RPL37A: variants seen among roughly 807,000 people sequenced by gnomAD.
RPL37A encodes the protein large ribosomal subunit protein eL43.
Under a neutral mutation model 13.6 loss-of-function variants are expected in RPL37A, and 5 were observed. The ratio of observed to expected loss-of-function variants is 0.37; its 90% CI spans 0.19 to 0.78. RPL37A has a LOEUF of 0.78. Among genes scored for constraint, RPL37A ranks in the 30% least tolerant of loss-of-function variants. The pLI, the probability that RPL37A is intolerant of heterozygous loss-of-function variation, is 0.49. For missense variants in RPL37A, 77 were observed against 120.0 expected (o/e 0.64, Z 1.67); for synonymous variants, 50 against 44.4 (o/e 1.13, Z -0.50).
chr2:216,499,198 A>G (rs1048926277), intron 1 of RPL37A, 72 bp from the exon 2 acceptor site: 4 of 1,520,256 alleles, frequency 2.6e-6, no homozygotes, highest in Non-Finnish European at 2.7e-6. Flanking sequence ...AGGTGGAGGA[A>G]CGGTGTGTGG....
At position 216,498,936 on chromosome 2, in the gene RPL37A, C is replaced by T. The variant is rs112651346; in HGVS notation, c.3+59C>T. On this transcript the variant is annotated intron_variant, in intron 1 of 3. Coordinates refer to ENST00000491306, the MANE Select transcript of RPL37A (RefSeq NM_000998.5). ...ATCTGCCTGCATCTGTCCTTGTTTT[C>T]TTCTCCCGCACCCATCTCCTCTCCT... The T allele has an allele frequency of 1.2e-4, 195 of 1,608,494 alleles. No individual in the cohort carries two copies. The African/African-American group carries it at 2.2e-3, about 19-fold the overall frequency.
At position 216,501,415 on chromosome 2, in the gene RPL37A, A is replaced by C. The variant is rs775614668; in HGVS notation, c.*11A>C. 2 of 1,594,178 alleles carry C rather than the reference A, an allele frequency of 1.3e-6. No individual in the cohort carries two copies. The highest frequency in any genetic ancestry group is 2.7e-5 in the African/African-American group (2 of 74,384). On this transcript the variant is annotated 3_prime_UTR_variant, in exon 4 of 4. Transcript: ENST00000491306. ...TTGAAAGACCAGTAGACGCTCCTCT[A>C]CTCTTTGAGACATCACTGGCCTATA...
chr2:216,499,040 G>T, intron 1 of RPL37A, 163 bp downstream of exon 1: 1 of 1,243,984 alleles, frequency 8.0e-7, no homozygotes, highest in Non-Finnish European at 1.1e-6. Context: ...GCGGAGGGGC[G>T]GGGGCGCCTT....
chr2:216,499,263 T>TA lies in RPL37A; in HGVS notation c.4-4dup, dbSNP rs1281408813. The TA allele has an allele frequency of 1.9e-6, 3 of 1,611,486 alleles. No homozygotes were observed. Among genetic ancestry groups the TA allele is most frequent in the Non-Finnish European group, 2.5e-6 (3 of 1,179,328 alleles). Reference sequence around the variant, plus strand: ...CTATCACTGGTTTCTCCCTTCACTCTAAACAGGCCAAACGTACCAAGAAAG... The same window carrying TA: ...CTATCACTGGTTTCTCCCTTCACTCTAAAACAGGCCAAACGTACCAAGAAAG... On this transcript the variant is annotated splice_region_variant and splice_polypyrimidine_tract_variant and intron_variant, in intron 1 of 3. Coordinates refer to ENST00000491306, the MANE Select transcript of RPL37A (RefSeq NM_000998.5).
At chr2:216,498,957 C>G in intron 1 of RPL37A, 80 bp downstream of exon 1, 6 of 1,569,524 alleles carry the variant, frequency 3.8e-6, no homozygotes. Flanking sequence ...CCCATCTCCT[C>G]TCCTGCCTTA....
At chr2:216,498,943 C>T (rs1695548078) in intron 1 of RPL37A, 66 bp downstream of exon 1, 2 of 1,596,654 alleles carry the variant, frequency 1.3e-6, no homozygotes, top group Non-Finnish European at 1.7e-6. Flanking sequence ...TTTCTTCTCC[C>T]GCACCCATCT....
intron 1 of RPL37A, 152 bp from the exon 2 acceptor site, chr2:216,499,118 C>G: frequency 8.2e-7 from 1 of 1,226,308 alleles, no homozygotes; most frequent in Non-Finnish European, 1.1e-6. Context: ...GCCCTGGGCA[C>G]TGGTTTCGTT....
intron 1 of RPL37A, 52 bp from the exon 2 acceptor site, chr2:216,499,218 G>A: frequency 6.3e-7 from 1 of 1,584,298 alleles, no homozygotes; most frequent in Non-Finnish European, 8.6e-7. Context: ...GAGGCTCCAG[G>A]GCCTGCCTGG....
At chr2:216,499,864 A>G (rs1695569205) in intron 2 of RPL37A, 85 bp from the exon 3 acceptor site, 1 of 1,145,478 alleles carries the variant, frequency 8.7e-7, no homozygotes, top group South Asian at 1.3e-5. Flanking sequence ...CCCTGACAAT[A>G]AGGTGAATCC....
chr2:216,498,907 C>CTG, intron 1 of RPL37A, 30 bp downstream of exon 1: 15 of 1,613,874 alleles, frequency 9.3e-6, no homozygotes, highest in Non-Finnish European at 1.3e-5. Context: ...CGGCCTAGAA[C>CTG]TCTATCTGCC....
Position 216,498,860 on chromosome 2 carries a change from C to G in RPL37A, c.-15C>G, listed in dbSNP as rs777473728. On this transcript the variant is annotated 5_prime_UTR_variant, in exon 1 of 4. Coordinates refer to ENST00000491306, the MANE Select transcript of RPL37A (RefSeq NM_000998.5). ...CGTCTCTTCCTTTCTGGGCTCGGAC[C>G]TAGGTCGCGGCGACATGGTGAGTGT... 3.7e-6 allele frequency: 6 copies of G among 1,614,170 alleles called. No individual in the cohort carries two copies. The Admixed American group carries it at 5.0e-5, about 13-fold the overall frequency.
At chr2:216,499,553 G>A in intron 2 of RPL37A, 155 bp downstream of exon 2, 1 of 918,782 alleles carries the variant, frequency 1.1e-6, no homozygotes, top group Non-Finnish European at 1.6e-6. Flanking sequence ...AGTGTTGATG[G>A]TAACTTCAGA....
chr2:216,499,294 A>G lies in RPL37A; in HGVS notation c.28A>G (p.Ile10Val), dbSNP rs373602528. Residue 10 changes from isoleucine (I) to valine (V), a missense_variant, in exon 2 of 4, where the codon ATC becomes GTC. By Grantham distance (29) the Ile-to-Val change is conservative. Around this residue, in one of 3 missense-constraint regions of RPL37A, gnomAD observed 11 missense variants for 36.0 expected, o/e 0.31. Coordinates refer to ENST00000491306, the MANE Select transcript of RPL37A (RefSeq NM_000998.5). The part of the protein sequence containing the change: MAKRTKKVG[I>V]VGKYGTRYGA... Reference sequence around the variant, plus strand: ...GGCCAAACGTACCAAGAAAGTCGGGATCGTCGGTAAATACGGGACCCGCTA... The same window carrying G: ...GGCCAAACGTACCAAGAAAGTCGGGGTCGTCGGTAAATACGGGACCCGCTA... 2 of 1,613,296 alleles carry G rather than the reference A, an allele frequency of 1.2e-6. No homozygotes were observed. The highest frequency in any genetic ancestry group is 2.7e-5 in the African/African-American group (2 of 74,922).
In RPL37A at chr2:216,501,480, G is replaced by T. The variant is rs927538701; in HGVS notation, c.*76G>T. 2.9e-6 allele frequency: 3 copies of T among 1,028,022 alleles called. No individual in the cohort carries two copies. The highest frequency in any genetic ancestry group is 4.5e-6 in the Non-Finnish European group (3 of 665,482). The allele number at this position is 1,028,022 out of a possible 1,614,324, so 63.7% of individuals were successfully genotyped here. On this transcript the variant is annotated 3_prime_UTR_variant, in exon 4 of 4. Transcript: ENST00000491306. ...TTATGTAACAAAATTGCCTTGGCTTGTTAACTTTATTAGACATTCTGATGT... is the reference window on the plus strand; with the variant it reads ...TTATGTAACAAAATTGCCTTGGCTTTTTAACTTTATTAGACATTCTGATGT...
At chr2:216,500,468 TTG>T (rs1414830944) in intron 3 of RPL37A, 2 of 196,018 alleles carry the variant, frequency 1.0e-5, no homozygotes, top group Non-Finnish European at 2.1e-5. Context: ...TGCTGCAGGT[TTG>T]TGAATCTGCA....
At position 216,502,265 on chromosome 2, in the gene RPL37A, T is replaced by A. The variant is rs1695611300; in HGVS notation, c.*861T>A. 1 of 152,184 alleles carries A rather than the reference T, an allele frequency of 6.6e-6. No individual in the cohort carries two copies. The highest frequency in any genetic ancestry group is 6.5e-5 in the Admixed American group (1 of 15,284). 9.4% of individuals were successfully genotyped at this position (152,184 alleles called of 1,614,324 possible). On this transcript the variant is annotated 3_prime_UTR_variant, in exon 4 of 4. Coordinates refer to ENST00000491306, the MANE Select transcript of RPL37A (RefSeq NM_000998.5). ...TCACTTGAACCTACGAGGCGGAGGT[T>A]GCAGTGGGCCAGGATCGTGCCACTG...
At chr2:216,500,884 T>A (rs1188058269) in intron 3 of RPL37A, 5 of 152,672 alleles carry the variant, frequency 3.3e-5, no homozygotes, top group African/African-American at 1.2e-4. Context: ...GTTCTCACTG[T>A]ATCATCTTGT....
At chr2:216,500,584 T>TA (rs1484378794) in intron 3 of RPL37A, 1 of 152,930 alleles carries the variant, frequency 6.5e-6, no homozygotes, top group Admixed American at 6.5e-5. Context: ...CTAGTGTAAT[T>TA]AAAGAATTGG....
rs756722742 is a variant in RPL37A at position 216,500,038 on chromosome 2, CTAGTTCCTTG to C, written c.215+9_215+18del. On this transcript the variant is annotated splice_region_variant and intron_variant, in intron 3 of 3. Coordinates refer to ENST00000491306, the MANE Select transcript of RPL37A (RefSeq NM_000998.5). ...GCGGTGCCTGGACGTACAAGTGAGT[CTAGTTCCTTG>C]TGGTATTTGGAAGTGTGTGGACCAC... The C allele has an allele frequency of 6.2e-7, 1 of 1,609,116 alleles. No individual in the cohort carries two copies. Among genetic ancestry groups the C allele is most frequent in the Non-Finnish European group, 8.5e-7 (1 of 1,176,590 alleles).
Sources: allele counts gnomAD v4.1 joint callset, GRCh38; gene constraint gnomAD v4.1.1; regional missense constraint gnomAD v4.1.1; transcripts MANE v1.5; gene names NCBI Gene and HGNC (gene_info 2026-07-23, HGNC 2026-07-21).